CHRNA7: variants seen among roughly 807,000 people sequenced by gnomAD.
CHRNA7 encodes the protein neuronal acetylcholine receptor subunit alpha-7.
In CHRNA7, 17 loss-of-function variants were observed where a neutral mutation model predicts 48.0. The ratio of observed to expected loss-of-function variants is 0.35; its 90% confidence interval spans 0.24 to 0.53. The LOEUF (loss-of-function observed/expected upper bound fraction) is 0.53. Among genes scored for constraint, CHRNA7 ranks in the 20% least tolerant of loss-of-function variants. The pLI, the probability that CHRNA7 is intolerant of heterozygous loss-of-function variation, is 0.92. For synonymous variants in CHRNA7, 75 were observed against 242.3 expected (o/e 0.31, Z 6.41); for missense variants, 155 against 577.7 (o/e 0.27, Z 7.50).
At chr15:32,040,928 T>G (rs934454388) in intron 2 of CHRNA7, among the ~76,000 whole-genome samples, 1 of 152,136 alleles carries the variant, frequency 6.6e-6, no homozygotes, top group Non-Finnish European at 1.5e-5. Context: ...GAAGGATGAT[T>G]TCAATAATTC....
chr15:32,058,835 AG>A (rs1184849075), intron 2 of CHRNA7, among the ~76,000 whole-genome samples: 1 of 152,152 alleles, frequency 6.6e-6, no homozygotes, highest in Non-Finnish European at 1.5e-5. Flanking sequence ...ATTTGAAAAA[AG>A]CCCTAAAGTA....
chr15:32,059,377 AG>A (rs1423117107), intron 2 of CHRNA7, among the ~76,000 whole-genome samples: 6 of 152,148 alleles, frequency 3.9e-5, no homozygotes, highest in Admixed American at 3.9e-4. Context: ...TTTTATTTTC[AG>A]TTTGAACTAT....
At chr15:32,101,235 A>G (rs1186405420) in intron 2 of CHRNA7, 68 bp from the exon 3 acceptor site, 5 of 1,532,696 alleles carry the variant, frequency 3.3e-6, no homozygotes, top group African/African-American at 1.4e-5. Flanking sequence ...CCCCATGTGA[A>G]TAATTGTCTC....
chr15:32,041,735 A>AC (rs1399903933), intron 2 of CHRNA7, among the ~76,000 whole-genome samples: 2 of 152,152 alleles, frequency 1.3e-5, no homozygotes. Flanking sequence ...CAAAATTTCG[A>AC]TTGATATTCC....
chr15:32,075,074 T>G (rs1165093177), intron 2 of CHRNA7, among the ~76,000 whole-genome samples: 1 of 152,238 alleles, frequency 6.6e-6, no homozygotes, highest in Admixed American at 6.5e-5. Flanking sequence ...TAAACCCTGG[T>G]TTGGTCATGG....
At chr15:32,082,024 G>A (rs1032023552) in intron 2 of CHRNA7, among the ~76,000 whole-genome samples, 3 of 151,954 alleles carry the variant, frequency 2.0e-5, no homozygotes, top group African/African-American at 7.3e-5. Flanking sequence ...TGAAAAGGTT[G>A]TTTTTCTTCA....
intron 3 of CHRNA7, 113 bp from the exon 4 acceptor site, chr15:32,111,677 G>A: frequency 1.6e-6 from 1 of 633,418 alleles, no homozygotes; most frequent in Non-Finnish European, 2.8e-6. Context: ...TAGCAATTCA[G>A]TTATAATAAA....
In CHRNA7 at chr15:32,149,439, C is replaced by CT. The variant is rs562856534; in HGVS notation, c.351-4466dup. 7.4e-4 allele frequency among the ~76,000 whole-genome samples: 113 copies of CT among 152,318 alleles called. No homozygotes were observed. Among genetic ancestry groups the CT allele is most frequent in the African/African-American group, 2.5e-3 (102 of 41,576 alleles). ...TCTGGCCACTCACATTTCCGAGGTT[C>CT]TTCATTTCCCACCTCAGATCACTGT... On this transcript the variant is annotated intron_variant, in intron 4 of 9. Transcript: ENST00000306901. The surrounding 1 kb of genome is among the most constrained non-coding windows in gnomAD (Gnocchi z 4.6).
chr15:32,102,925 CAAAG>C (rs980172789), intron 3 of CHRNA7: 12 of 152,246 alleles, frequency 7.9e-5, no homozygotes, highest in East Asian at 3.9e-4. Context: ...TTGTTGAAAA[CAAAG>C]AAAAGAATTT....
chr15:32,095,364 A>G (rs2050451086), intron 2 of CHRNA7, among the ~76,000 whole-genome samples: 1 of 152,230 alleles, frequency 6.6e-6, no homozygotes, highest in Non-Finnish European at 1.5e-5. Context: ...GATTATATCT[A>G]TCAATATTTA....
intron 2 of CHRNA7, among the ~76,000 whole-genome samples, chr15:32,055,082 G>A (rs2049762564): frequency 2.0e-5 from 3 of 152,302 alleles, no homozygotes; most frequent in South Asian, 4.1e-4. Flanking sequence ...TACCATTCTA[G>A]TGGGTGTGGA....
At chr15:32,054,094 T>G (rs2049741758) in intron 2 of CHRNA7, among the ~76,000 whole-genome samples, 1 of 152,208 alleles carries the variant, frequency 6.6e-6, no homozygotes, top group Non-Finnish European at 1.5e-5. Flanking sequence ...ATTTACTTTA[T>G]TTTGTGGAGA....
intron 3 of CHRNA7, among the ~76,000 whole-genome samples, chr15:32,107,570 G>A (rs1266761586): frequency 1.3e-5 from 2 of 151,944 alleles, no homozygotes; most frequent in Admixed American, 6.6e-5. Context: ...CATGAAACTC[G>A]GGAAGAGAAA....
chr15:32,031,072 C>T (rs201301097), intron 2 of CHRNA7, 35 bp downstream of exon 2: 3 of 1,611,512 alleles, frequency 1.9e-6, no homozygotes, highest in South Asian at 2.2e-5. Flanking sequence ...TGCCCTCTCC[C>T]CTTCCTGGGC....
At chr15:32,035,350 T>A (rs1902033662) in intron 2 of CHRNA7, among the ~76,000 whole-genome samples, 1 of 152,224 alleles carries the variant, frequency 6.6e-6, no homozygotes, top group African/African-American at 2.4e-5. Flanking sequence ...ATGCATTGGT[T>A]ATGAAGCATG....
intron 4 of CHRNA7, among the ~76,000 whole-genome samples, chr15:32,134,502 T>G (rs1595484869): frequency 6.6e-6 from 1 of 152,286 alleles, no homozygotes; most frequent in East Asian, 1.9e-4. Context: ...CCTTCATTAA[T>G]TTTTTTAAGA....
At chr15:32,106,100 T>C (rs1050850641) in intron 3 of CHRNA7, among the ~76,000 whole-genome samples, 13 of 152,216 alleles carry the variant, frequency 8.5e-5, no homozygotes, top group Admixed American at 7.2e-4. Context: ...TTGTGTTCCC[T>C]GGCTGGGGAC....
intron 2 of CHRNA7, among the ~76,000 whole-genome samples, chr15:32,091,491 A>G (rs188203538): frequency 1.5e-3 from 227 of 152,292 alleles, no homozygotes; most frequent in Non-Finnish European, 2.2e-3. Context: ...AATTGGTTAC[A>G]TTTGAATTCT....
At chr15:32,063,252 T>A (rs182192903) in intron 2 of CHRNA7, among the ~76,000 whole-genome samples, 3 of 152,186 alleles carry the variant, frequency 2.0e-5, no homozygotes, top group African/African-American at 7.2e-5. Context: ...AAAAAAGTAA[T>A]TGCACTGTGA....
Sources: allele counts gnomAD v4.1 joint callset (sites outside exome capture counted in the v4.1 genomes callset), GRCh38; gene constraint gnomAD v4.1.1; non-coding constraint Gnocchi (gnomAD v3.1); transcripts MANE v1.5; gene names NCBI Gene and HGNC (gene_info 2026-07-23, HGNC 2026-07-21).